The following FANCB variants were observed in gnomAD, a reference collection of about 807,000 sequenced individuals.
The protein encoded by FANCB is FA complementation group B.
Under a neutral mutation model 38.9 loss-of-function variants are expected in FANCB, and 5 were observed. That is an observed-to-expected ratio of 0.13 (90% CI 0.07 to 0.27). FANCB has a LOEUF of 0.27. FANCB is among the 10% of genes least tolerant of loss of function. The pLI, the probability that FANCB is intolerant of heterozygous loss-of-function variation, is 1.00. For missense variants in FANCB, 573 were observed against 602.7 expected, an observed-to-expected ratio of 0.95 and a Z score of 0.52; for synonymous variants, 236 against 215.4, an observed-to-expected ratio of 1.10 and a Z score of -0.84.
At chrX:14,785,277 C>T in the FANCB span, among the ~76,000 whole-genome samples, 3 of 111,434 alleles carry the variant, frequency 2.7e-5, no homozygotes, top group Non-Finnish European at 3.8e-5. Flanking sequence ...TCCCTTTTGC[C>T]GGGTAAGGTA....
chrX:14,707,108 C>T, the FANCB span, among the ~76,000 whole-genome samples: 2 of 112,140 alleles, frequency 1.8e-5, no homozygotes, highest in South Asian at 7.5e-4. Context: ...TGTTTCATTA[C>T]AGCACCATTT....
chrX:14,719,044 C>T, the FANCB span, among the ~76,000 whole-genome samples: 8 of 111,913 alleles, frequency 7.1e-5, no homozygotes, highest in East Asian at 5.6e-4. Context: ...CCACCCTCTT[C>T]GCACAACAAT....
the FANCB span, among the ~76,000 whole-genome samples, chrX:14,720,089 T>G: frequency 9.0e-6 from 1 of 111,322 alleles, no homozygotes; most frequent in Non-Finnish European, 1.9e-5. Flanking sequence ...GATACAGAAG[T>G]ACAGCTACAT....
chrX:14,748,334 C>T, the FANCB span, among the ~76,000 whole-genome samples: 3 of 107,210 alleles, frequency 2.8e-5, no homozygotes, highest in Non-Finnish European at 5.8e-5. Context: ...CCATATTCTC[C>T]ACCAATTGAA....
the FANCB span, among the ~76,000 whole-genome samples, chrX:14,714,499 T>C: frequency 1.8e-5 from 2 of 111,703 alleles, no homozygotes; most frequent in Non-Finnish European, 3.8e-5. Flanking sequence ...AACTAGGAGT[T>C]GTATAGCCCA....
At chrX:14,707,113 C>G in the FANCB span, among the ~76,000 whole-genome samples, 6 of 112,035 alleles carry the variant, frequency 5.4e-5, no homozygotes, top group Admixed American at 9.4e-5. Context: ...CATTACAGCA[C>G]CATTTCCTGG....
the FANCB span, among the ~76,000 whole-genome samples, chrX:14,759,405 T>C: frequency 9.0e-6 from 1 of 111,526 alleles, no homozygotes; most frequent in African/African-American, 3.3e-5. Context: ...GATCATCACC[T>C]AGGCACATAG....
the FANCB span, among the ~76,000 whole-genome samples, chrX:14,760,670 T>TA: frequency 8.9e-6 from 1 of 111,780 alleles, no homozygotes; most frequent in Non-Finnish European, 1.9e-5. Context: ...AACCAATTTT[T>TA]AAAAAACAAA....
At chrX:14,856,322 C>T (rs757069255) in intron 5 of FANCB, among the ~76,000 whole-genome samples, 3 of 111,994 alleles carry the variant, frequency 2.7e-5, no homozygotes, top group Non-Finnish European at 5.6e-5. Flanking sequence ...ACTATAATAA[C>T]TTTTCCTCTG....
At chrX:14,714,436 A>G in the FANCB span, among the ~76,000 whole-genome samples, 1 of 111,819 alleles carries the variant, frequency 8.9e-6, no homozygotes, top group South Asian at 3.7e-4. Flanking sequence ...GCAACCTTGA[A>G]CTAAAGAAAG....
the FANCB span, among the ~76,000 whole-genome samples, chrX:14,714,909 A>G: frequency 8.9e-6 from 1 of 112,305 alleles, no homozygotes; most frequent in Non-Finnish European, 1.9e-5. Context: ...AATGAATAGA[A>G]TATGAGTTCA....
At chrX:14,837,263 G>C (rs1413758382) in intron 10 of FANCB, among the ~76,000 whole-genome samples, 5 of 112,077 alleles carry the variant, frequency 4.5e-5, no homozygotes, top group Non-Finnish European at 9.4e-5. Context: ...CCTTTCCCTG[G>C]AATCCCAAGC....
At chrX:14,854,953 T>G (rs1439637652) in intron 5 of FANCB, among the ~76,000 whole-genome samples, 3 of 111,997 alleles carry the variant, frequency 2.7e-5, no homozygotes, top group Non-Finnish European at 5.6e-5. Flanking sequence ...TCTGAACCTT[T>G]TATAAATGGA....
At chrX:14,735,476 C>T in the FANCB span, among the ~76,000 whole-genome samples, 1 of 112,144 alleles carries the variant, frequency 8.9e-6, no homozygotes, top group African/African-American at 3.2e-5. Flanking sequence ...AGTCGTCCTT[C>T]TAACAGTCAG....
At chrX:14,855,066 C>T (rs746515719) in intron 5 of FANCB, among the ~76,000 whole-genome samples, 2 of 111,599 alleles carry the variant, frequency 1.8e-5, no homozygotes, top group Middle Eastern at 4.7e-3. Context: ...TGACTACCCA[C>T]GATTTACTTC....
At chrX:14,714,194 G>A in the FANCB span, among the ~76,000 whole-genome samples, 2 of 110,253 alleles carry the variant, frequency 1.8e-5, no homozygotes, top group Non-Finnish European at 3.8e-5. Flanking sequence ...GACTTTCCAC[G>A]TACACATTTA....
the FANCB span, among the ~76,000 whole-genome samples, chrX:14,800,305 G>A: frequency 1.8e-5 from 2 of 111,863 alleles, no homozygotes; most frequent in African/African-American, 6.5e-5. Context: ...AACTGAGAGG[G>A]ACAGACAGGA....
At chrX:14,808,893 G>A in the FANCB span, among the ~76,000 whole-genome samples, 43 of 111,934 alleles carry the variant, frequency 3.8e-4, no homozygotes, top group Non-Finnish European at 7.2e-4. Context: ...AACAAAAATC[G>A]GTAGCATTTC....
At chrX:14,760,837 G>A in the FANCB span, among the ~76,000 whole-genome samples, 12 of 110,753 alleles carry the variant, frequency 1.1e-4, no homozygotes, top group African/African-American at 3.0e-4. Flanking sequence ...TGGGTGTGGT[G>A]GCGTGAGCTT....
Sources: allele counts gnomAD v4.1 joint callset (sites outside exome capture counted in the v4.1 genomes callset), GRCh38; gene constraint gnomAD v4.1.1; transcripts MANE v1.5; gene names NCBI Gene and HGNC (gene_info 2026-07-23, HGNC 2026-07-21).